VWA5A: variants seen among roughly 807,000 people sequenced by gnomAD.
VWA5A encodes von Willebrand factor A domain-containing protein 5A.
A neutral mutation model predicts 84.6 loss-of-function variants in VWA5A; 77 were observed. The observed-to-expected ratio is 0.91, with a 90% CI of 0.76 to 1.10. The LOEUF (loss-of-function observed/expected upper bound fraction) is 1.10. VWA5A is among the 50% of genes least tolerant of loss of function. The probability of loss-of-function intolerance (pLI) is 0.00; values close to 1 mark genes in which losing one functional copy is unlikely to be tolerated. For synonymous variants in VWA5A, 334 were observed against 350.1 expected (o/e 0.95, Z 0.51); for missense variants, 973 against 963.0 (o/e 1.01, Z -0.14).
At chr11:124,117,428 C>T (rs772857034) in intron 2 of VWA5A, 69 bp from the exon 3 acceptor site, 3 of 1,411,570 alleles carry the variant, frequency 2.1e-6, no homozygotes, top group Non-Finnish European at 3.0e-6. Context: ...GAGAAAGGCA[C>T]ATAAAGTACT....
At chr11:124,131,553 CT>C (rs1865098022) in intron 11 of VWA5A, among the ~76,000 whole-genome samples, 1 of 151,662 alleles carries the variant, frequency 6.6e-6, no homozygotes, top group Non-Finnish European at 1.5e-5. Flanking sequence ...AATTGTTTCC[CT>C]AGGTGTTTGA....
intron 17 of VWA5A, among the ~76,000 whole-genome samples, chr11:124,143,916 T>C (rs1860773275): frequency 7.2e-6 from 1 of 139,254 alleles, no homozygotes; most frequent in South Asian, 2.2e-4. Context: ...AGGAATTTGA[T>C]TTTTTTTTTA....
At chr11:124,142,703 T>C in intron 17 of VWA5A, 131 bp downstream of exon 17, 1 of 1,245,008 alleles carries the variant, frequency 8.0e-7, no homozygotes, top group Non-Finnish European at 1.1e-6. Context: ...TTGTAATAAA[T>C]AGAGGCTGAA....
intron 16 of VWA5A, 64 bp from the exon 17 acceptor site, chr11:124,142,378 C>A: frequency 1.9e-6 from 3 of 1,580,060 alleles, no homozygotes; most frequent in Non-Finnish European, 2.6e-6. Context: ...GCCCTAAATT[C>A]AAGTGTGCTG....
intron 11 of VWA5A, among the ~76,000 whole-genome samples, chr11:124,126,796 C>T (rs965568448): frequency 6.6e-6 from 1 of 151,900 alleles, no homozygotes; most frequent in Non-Finnish European, 1.5e-5. Flanking sequence ...ATATAACCTT[C>T]ACCCGGGTCT....
Position 124,136,196 on chromosome 11 carries a change from C to T in VWA5A, c.1427C>T (p.Pro476Leu), listed in dbSNP as rs145482578. 1.8e-5 allele frequency: 29 copies of T among 1,614,090 alleles called. No homozygotes were observed. The African/African-American group carries it at 3.5e-4, about 19-fold the overall frequency. Reference sequence around the variant, plus strand: ...GATGTCTCTCTGAGCTGGCATTTGCCTCCTGGTCTGTCTGCTAAAATGCTT... The same window carrying T: ...GATGTCTCTCTGAGCTGGCATTTGCTTCCTGGTCTGTCTGCTAAAATGCTT... ...VEDVSLSWHL[P>L]PGLSAKMLSP... The change falls in exon 13 of 19, where the codon CCT (proline) becomes CTT (leucine). Residue 476 changes from proline to leucine, a missense_variant. Physicochemically the swap from Pro to Leu is moderately conservative, Grantham distance 98. Coordinates refer to ENST00000456829, the MANE Select transcript of VWA5A (RefSeq NM_001130142.2).
At chr11:124,142,365 G>A in intron 16 of VWA5A, 77 bp from the exon 17 acceptor site, 9 of 1,554,296 alleles carry the variant, frequency 5.8e-6, no homozygotes, top group Non-Finnish European at 7.8e-6. Context: ...TCTGAATTTA[G>A]CAGCCCTAAA....
intron 11 of VWA5A, among the ~76,000 whole-genome samples, chr11:124,132,686 T>A (rs1209433351): frequency 6.6e-6 from 1 of 152,168 alleles, no homozygotes; most frequent in Non-Finnish European, 1.5e-5. Context: ...AATAATAATT[T>A]CAAAACACCA....
chr11:124,137,115 A>C lies in VWA5A; in HGVS notation c.1726A>C (p.Ser576Arg). Residue 576 changes from serine (S) to arginine (R), a missense_variant, in exon 15 of 19, where the codon AGC becomes CGC. Physicochemically the swap from Ser to Arg is moderately radical, Grantham distance 110 (BLOSUM62 -1). Coordinates refer to ENST00000456829, the MANE Select transcript of VWA5A (RefSeq NM_001130142.2). ...TGATAAAAAAGATGCATTGAACCTT[A>C]GCCTTGAGTCTGGTGTCATAAGCTC... is the stretch of plus-strand genomic sequence containing the variant. ...ASDKKDALNL[S>R]LESGVISSFT... is the part of the protein sequence containing the mutation. 6.2e-7 allele frequency: 1 copy of C among 1,613,916 alleles called. No individual in the cohort carries two copies. Among genetic ancestry groups the C allele is most frequent in the African/African-American group, 1.3e-5 (1 of 74,938 alleles).
Position 124,145,856 on chromosome 11 carries a change from C to A in VWA5A, c.2282-10C>A. 1 of 1,571,290 alleles carries A rather than the reference C, an allele frequency of 6.4e-7. No homozygotes were observed. The highest frequency in any genetic ancestry group is 8.7e-7 in the Non-Finnish European group (1 of 1,154,948). On this transcript the variant is annotated splice_polypyrimidine_tract_variant and intron_variant, in intron 18 of 18. Transcript: ENST00000456829. Reference sequence around the variant, plus strand: ...CCTTCATCCCTGCTTCTTGTTTTTCCTCACCACAGGCTCCACCATGCCTTC... The same window carrying A: ...CCTTCATCCCTGCTTCTTGTTTTTCATCACCACAGGCTCCACCATGCCTTC...
chr11:124,123,853 C>T lies in VWA5A; in HGVS notation c.1164+49C>T, dbSNP rs760875035. 5.6e-5 allele frequency: 85 copies of T among 1,522,058 alleles called. No homozygotes were observed. The South Asian group carries it at 1.1e-3, about 20-fold the overall frequency. The allele number at this position is 1,522,058 out of a possible 1,614,324, so 94.3% of individuals were successfully genotyped here. A position where few individuals can be genotyped will look rare whatever the true frequency, so the allele number is the denominator to read the frequency against. The stretch of plus-strand genomic sequence containing the variant: ...AGAAGAGACAGGAAGTGTGAAATCT[C>T]TAAGAATCTATGCCCCTGAGCTTCA... On this transcript the variant is annotated intron_variant, in intron 10 of 18. Transcript: ENST00000456829.
At position 124,117,433 on chromosome 11, in the gene VWA5A, A is replaced by G. The variant is rs778363089; in HGVS notation, c.-15-64A>G. On this transcript the variant is annotated intron_variant, in intron 2 of 18. Transcript: ENST00000456829. ...TCTTATGCCAGAGAAAGGCACATAA[A>G]GTACTGGTGTTTGAACAGATAACTT... 2.4e-4 allele frequency: 351 copies of G among 1,446,824 alleles called. 1 individual carries two copies. The highest frequency in any genetic ancestry group is 3.2e-4 in the Non-Finnish European group (331 of 1,027,840). 89.6% of individuals were successfully genotyped at this position (1,446,824 alleles called of 1,614,324 possible).
chr11:124,126,097 C>T (rs772861599), intron 11 of VWA5A, among the ~76,000 whole-genome samples: 2 of 152,100 alleles, frequency 1.3e-5, no homozygotes, highest in African/African-American at 4.8e-5. Flanking sequence ...GTCTATTCAT[C>T]TAGACGTGTG....
chr11:124,122,905 A>G (rs1864952429), intron 7 of VWA5A, 55 bp from the exon 8 acceptor site: 1 of 1,524,374 alleles, frequency 6.6e-7, no homozygotes, highest in Admixed American at 1.9e-5. Flanking sequence ...ATTCTTAGGT[A>G]CTAGGATTCT....
intron 15 of VWA5A, among the ~76,000 whole-genome samples, chr11:124,141,373 GA>G (rs1408552403): frequency 6.6e-6 from 1 of 152,150 alleles, no homozygotes; most frequent in Non-Finnish European, 1.5e-5. Flanking sequence ...AAAGATGCAG[GA>G]AAAATTGTTT....
chr11:124,124,210 T>C (rs1565616364), intron 10 of VWA5A, 27 bp from the exon 11 acceptor site: 1 of 1,605,848 alleles, frequency 6.2e-7, no homozygotes, highest in East Asian at 2.2e-5. Flanking sequence ...GACAAAGACC[T>C]GATGAACATT....
In VWA5A at chr11:124,118,325, A is replaced by G. The variant is rs1419681556; in HGVS notation, c.383A>G (p.Lys128Arg). ...GGGTCGAAGGCGGCAGTCACCCTGA[A>G]GTATGTGCAGGAGCTGCCTCTGGAA... ...QPGSKAAVTLKYVQELPLEAD... is the reference protein window; with the variant it reads ...QPGSKAAVTLRYVQELPLEAD... The change falls in exon 5 of 19, where the codon AAG becomes AGG. Residue 128 changes from lysine to arginine, a missense_variant. Physicochemically the swap from Lys to Arg is conservative, Grantham distance 26. Transcript: ENST00000456829. 1 of 1,614,196 alleles carries G rather than the reference A, an allele frequency of 6.2e-7. No individual in the cohort carries two copies. The highest frequency in any genetic ancestry group is 1.1e-5 in the South Asian group (1 of 91,076).
chr11:124,140,470 A>T (rs1018103185), intron 15 of VWA5A, among the ~76,000 whole-genome samples: 62 of 149,864 alleles, frequency 4.1e-4, no homozygotes, highest in African/African-American at 8.6e-4. Context: ...GAATTTTTAA[A>T]TTTTTTTTTT....
At chr11:124,145,139 T>C (rs946102447) in intron 17 of VWA5A, 98 bp from the exon 18 acceptor site, 3 of 1,420,302 alleles carry the variant, frequency 2.1e-6, no homozygotes, top group Admixed American at 4.4e-5. Flanking sequence ...CTCCATCTAG[T>C]GACATTTAGA....
Sources: allele counts gnomAD v4.1 joint callset (sites outside exome capture counted in the v4.1 genomes callset), GRCh38; gene constraint gnomAD v4.1.1; transcripts MANE v1.5; gene names NCBI Gene and HGNC (gene_info 2026-07-23, HGNC 2026-07-21).